Variants in DSCAML1 observed in about 807,000 individuals in gnomAD.
DSCAML1 encodes cell adhesion molecule DSCAML1.
A neutral mutation model predicts 200.5 loss-of-function variants in DSCAML1; 38 were observed. The observed-to-expected ratio is 0.19, with a 90% CI of 0.15 to 0.25. The LOEUF is 0.25. Ranked by LOEUF, DSCAML1 falls within the 10% of genes least tolerant of loss-of-function variation. The pLI is 1.00. For synonymous variants in DSCAML1, 1,215 were observed against 1,165.0 expected (o/e 1.04, Z -0.87); for missense variants, 2,223 against 2,858.8 (o/e 0.78, Z 5.07).
Position 117,431,638 on chromosome 11 carries a change from G to A in DSCAML1, c.5270C>T (p.Thr1757Ile), listed in dbSNP as rs755446168. The change falls in exon 31 of 33, where the codon ACA becomes ATA. Residue 1757 changes from threonine (T) to isoleucine (I), a missense_variant. This residue lies in a region of DSCAML1 where 614 missense variants were observed against 739.1 expected (regional missense o/e 0.83). Transcript: ENST00000651296. The part of the protein sequence containing the change: ...QWTLTKCQAS[T>I]PARTLTSDWR... ...GTCGGAGGTGAGGGTGCGGGCAGGT[G>A]TGGAGGCCTGGCACTTGGTCAGGGT... 21 of 1,613,404 alleles carry A rather than the reference G, an allele frequency of 1.3e-5. No homozygotes were observed. Among genetic ancestry groups the A allele is most frequent in the Non-Finnish European group, 1.8e-5 (21 of 1,179,636 alleles).
chr11:117,755,682 G>A (rs896468536), intron 3 of DSCAML1, among the ~76,000 whole-genome samples: 2 of 152,126 alleles, frequency 1.3e-5, no homozygotes, highest in Admixed American at 6.5e-5. Flanking sequence ...TTTAACCTTC[G>A]TAAGAAAGTC....
intron 3 of DSCAML1, among the ~76,000 whole-genome samples, chr11:117,563,371 C>A (rs2050699336): frequency 6.6e-6 from 1 of 152,182 alleles, no homozygotes; most frequent in Admixed American, 6.5e-5. Flanking sequence ...AGTTCCCCAG[C>A]TCTCCAGGCT....
chr11:117,459,556 C>T lies in DSCAML1; in HGVS notation c.3413-647G>A, dbSNP rs533777291. ...AAAGCCTGGGTGAGTCTGGTGGAGC[C>T]GATAGCCTTAGCCAGGAAGGGCTGG... On this transcript the variant is annotated intron_variant, in intron 18 of 32. Coordinates refer to ENST00000651296, the MANE Select transcript of DSCAML1 (RefSeq NM_020693.4). Among the ~76,000 whole-genome samples, 7 of 152,314 alleles carry T rather than the reference C, an allele frequency of 4.6e-5. No homozygotes were observed. The South Asian group carries it at 1.5e-3, about 32-fold the overall frequency.
In DSCAML1 at chr11:117,720,560, T is replaced by C. The variant is rs535883143; in HGVS notation, c.511+56231A>G. Among the ~76,000 whole-genome samples the C allele has an allele frequency of 1.1e-4, 16 of 152,332 alleles. No individual in the cohort carries two copies. In the South Asian group the frequency reaches 3.1e-3, roughly 30 times the overall value. ...GGGGTAAAAACTGAACCACATCCCT[T>C]GCACTTGCAAACTCCATGCTTCCTC... On this transcript the variant is annotated intron_variant, in intron 3 of 32. Transcript: ENST00000651296.
At chr11:117,702,838 C>A (rs985685517) in intron 3 of DSCAML1, among the ~76,000 whole-genome samples, 2 of 152,116 alleles carry the variant, frequency 1.3e-5, no homozygotes, top group Non-Finnish European at 1.5e-5. Flanking sequence ...TCCCCCAAAG[C>A]CTCTGTGAGG....
intron 3 of DSCAML1, among the ~76,000 whole-genome samples, chr11:117,560,026 A>T (rs11601480): frequency 5.3e-5 from 8 of 151,756 alleles, no homozygotes; most frequent in South Asian, 4.2e-4. Flanking sequence ...AAGTGAATTT[A>T]GACAGGCCCG....
intron 16 of DSCAML1, among the ~76,000 whole-genome samples, chr11:117,468,231 C>T (rs568466352): frequency 6.6e-6 from 1 of 152,004 alleles, no homozygotes; most frequent in African/African-American, 2.4e-5. Context: ...CGATCCATCT[C>T]GTGGAAAGGG....
intron 3 of DSCAML1, among the ~76,000 whole-genome samples, chr11:117,713,544 A>T (rs1000890301): frequency 6.6e-5 from 10 of 152,160 alleles, no homozygotes; most frequent in South Asian, 4.1e-4. Flanking sequence ...TTTCCCAGGG[A>T]GGCCTGCAAA....
intron 3 of DSCAML1, among the ~76,000 whole-genome samples, chr11:117,631,462 C>T (rs1436160894): frequency 6.6e-6 from 1 of 152,216 alleles, no homozygotes; most frequent in Non-Finnish European, 1.5e-5. Flanking sequence ...CCCAAACAGT[C>T]TTCTTAGTGT....
At chr11:117,564,417 G>C (rs1256119093) in intron 3 of DSCAML1, among the ~76,000 whole-genome samples, 3 of 152,182 alleles carry the variant, frequency 2.0e-5, no homozygotes, top group Admixed American at 2.0e-4. Flanking sequence ...AGGCCAAAGG[G>C]ACATTGCTCT....
intron 3 of DSCAML1, among the ~76,000 whole-genome samples, chr11:117,767,434 T>G (rs1368260773): frequency 2.0e-5 from 3 of 152,220 alleles, no homozygotes; most frequent in Non-Finnish European, 4.4e-5. Flanking sequence ...ACTATGAGTA[T>G]CATCTCAGTT....
chr11:117,817,120 C>T (rs2055817339), intron 1 of DSCAML1, among the ~76,000 whole-genome samples: 1 of 152,186 alleles, frequency 6.6e-6, no homozygotes, highest in Non-Finnish European at 1.5e-5. Context: ...GGCTAATTCT[C>T]CTGGCCCTCC....
At chr11:117,774,870 G>T (rs533969208) in intron 3 of DSCAML1, among the ~76,000 whole-genome samples, 1 of 152,126 alleles carries the variant, frequency 6.6e-6, no homozygotes, top group South Asian at 2.1e-4. Flanking sequence ...CTGTAAAGTG[G>T]AGAGGGGAAA....
chr11:117,799,218 G>A (rs1408933686), upstream of DSCAML1, among the ~76,000 whole-genome samples: 1 of 152,166 alleles, frequency 6.6e-6, no homozygotes, highest in African/African-American at 2.4e-5. Flanking sequence ...TCATTGAGAG[G>A]AATCCAGTTA....
chr11:117,564,087 C>G (rs1263464292), intron 3 of DSCAML1, among the ~76,000 whole-genome samples: 12 of 152,176 alleles, frequency 7.9e-5, no homozygotes, highest in African/African-American at 1.2e-4. Flanking sequence ...ACATAGTTTT[C>G]CATGTCACCA....
Position 117,516,414 on chromosome 11 carries a change from C to T in DSCAML1, c.1783+53G>A, listed in dbSNP as rs557837515. On this transcript the variant is annotated intron_variant, in intron 8 of 32. Coordinates refer to ENST00000651296, the MANE Select transcript of DSCAML1 (RefSeq NM_020693.4). This position sits in a 1 kb window ranked among gnomAD's most constrained non-coding sequence, Gnocchi z 5.7. ...TGAGTCCCAGCTGGGGAAAGGCCCA[C>T]GCATCCTGGGTGGTCAGGCGGGCAG... is the stretch of plus-strand genomic sequence containing the variant. 1.5e-5 allele frequency: 23 copies of T among 1,573,834 alleles called. No homozygotes were observed. The highest frequency in any genetic ancestry group is 1.7e-5 in the Admixed American group (1 of 57,716).
intron 3 of DSCAML1, among the ~76,000 whole-genome samples, chr11:117,713,785 G>A (rs1010247954): frequency 2.0e-5 from 3 of 152,338 alleles, no homozygotes; most frequent in Admixed American, 2.0e-4. Context: ...TCAGCAGCCT[G>A]TGGCTGTGTG....
intron 3 of DSCAML1, among the ~76,000 whole-genome samples, chr11:117,653,713 CAA>C (rs1032904675): frequency 1.3e-5 from 2 of 152,060 alleles, no homozygotes; most frequent in Non-Finnish European, 2.9e-5. Context: ...GGCATATATC[CAA>C]GAGAAATGAA....
At chr11:117,448,858 C>T (rs577830547) in intron 20 of DSCAML1, among the ~76,000 whole-genome samples, 1 of 152,146 alleles carries the variant, frequency 6.6e-6, no homozygotes, top group Non-Finnish European at 1.5e-5. Context: ...CCTAGGCGTA[C>T]ACCTGGCAGA....
Sources: allele counts gnomAD v4.1 joint callset (sites outside exome capture counted in the v4.1 genomes callset), GRCh38; gene constraint gnomAD v4.1.1; regional missense constraint gnomAD v4.1.1; non-coding constraint Gnocchi (gnomAD v3.1); transcripts MANE v1.5; gene names NCBI Gene and HGNC (gene_info 2026-07-23, HGNC 2026-07-21).